Variants in PPP4R3A observed in about 807,000 individuals in gnomAD.
PPP4R3A encodes protein phosphatase 4 regulatory subunit 3A.
In PPP4R3A, 15 loss-of-function variants were observed where a neutral mutation model predicts 91.7. That is an observed-to-expected ratio of 0.16 (90% confidence interval 0.11 to 0.25). The LOEUF (loss-of-function observed/expected upper bound fraction) is 0.25, where lower values mean the gene tolerates loss of function less well. Ranked by LOEUF, PPP4R3A falls within the 10% of genes least tolerant of loss-of-function variation. The pLI is 1.00. For missense variants in PPP4R3A, 623 were observed against 998.4 expected (o/e 0.62, Z 5.07); for synonymous variants, 377 against 348.7 (o/e 1.08, Z -0.91).
At chr14:91,463,553 C>G (rs1412446593) in intron 11 of PPP4R3A, among the ~76,000 whole-genome samples, 1 of 152,176 alleles carries the variant, frequency 6.6e-6, no homozygotes, top group East Asian at 1.9e-4. Context: ...CCCACCTCAG[C>G]CTCCTGAGCA....
At chr14:91,509,086 G>C (rs1274610103) in intron 1 of PPP4R3A, among the ~76,000 whole-genome samples, 1 of 152,204 alleles carries the variant, frequency 6.6e-6, no homozygotes, top group East Asian at 1.9e-4. Flanking sequence ...AAAGGTCCAA[G>C]AACTTTCTTA....
At chr14:91,493,358 G>C (rs191469467) in intron 1 of PPP4R3A, among the ~76,000 whole-genome samples, 1 of 150,676 alleles carries the variant, frequency 6.6e-6, no homozygotes, top group Non-Finnish European at 1.5e-5. Flanking sequence ...AGCTGGATGA[G>C]GTAGGGCATG....
At chr14:91,483,794 AAAG>A (rs1478277295) in intron 3 of PPP4R3A, among the ~76,000 whole-genome samples, 1 of 152,338 alleles carries the variant, frequency 6.6e-6, no homozygotes, top group East Asian at 1.9e-4. Flanking sequence ...GAGTATCAGA[AAAG>A]AATATTAAAG....
rs556780170 is a variant in PPP4R3A, at chr14:91,466,283, G to A, written c.1661-864C>T. 17 of 985,762 alleles carry A rather than the reference G, an allele frequency of 1.7e-5. 1 individual carries two copies. In the East Asian group the frequency reaches 3.4e-4, roughly 20 times the overall value. 61.1% of individuals were successfully genotyped at this position (985,762 alleles called of 1,614,324 possible). A position where few individuals can be genotyped will look rare whatever the true frequency, so the allele number is the denominator to read the frequency against. Reference sequence around the variant, plus strand: ...CACTTCATGCAGTCACATCGTCTTCGGTTGGCAAGATTAAATATTGTGTTT... The same window carrying A: ...CACTTCATGCAGTCACATCGTCTTCAGTTGGCAAGATTAAATATTGTGTTT... On this transcript the variant is annotated intron_variant, in intron 10 of 14. Coordinates refer to ENST00000554943, the MANE Select transcript of PPP4R3A (RefSeq NM_001366432.2).
chr14:91,487,249 C>CAA lies in PPP4R3A; in HGVS notation c.199-1521_199-1520dup, dbSNP rs35970764. Among the ~76,000 whole-genome samples, 512 of 80,168 alleles carry CAA rather than the reference C, an allele frequency of 6.4e-3. 11 individuals carry two copies. Among genetic ancestry groups the CAA allele is most frequent in the East Asian group, 0.026 (76 of 2,884 alleles). 52.6% of individuals were successfully genotyped at this position (80,168 alleles called of 152,430 possible). A position where few individuals can be genotyped will look rare whatever the true frequency, so the allele number is the denominator to read the frequency against. ...TGGGTGACAGAGTGAGAGTCCGTCT[C>CAA]AAAAAAAAAAAAAAAAAAAAAAAAT... On this transcript the variant is annotated intron_variant, in intron 2 of 14. Transcript: ENST00000554943.
intron 1 of PPP4R3A, among the ~76,000 whole-genome samples, chr14:91,507,313 C>A (rs1304073366): frequency 6.9e-6 from 1 of 144,756 alleles, no homozygotes; most frequent in Non-Finnish European, 1.5e-5. Flanking sequence ...AAGAGCAAAA[C>A]CCAATCTCAA....
rs918788375 is a variant in PPP4R3A at position 91,461,797 on chromosome 14, T to C, written c.2165-190A>G. 3.7e-4 allele frequency: 311 copies of C among 843,460 alleles called. 1 individual carries two copies. The highest frequency in any genetic ancestry group is 1.1e-3 in the Middle Eastern group (3 of 2,726). The allele number at this position is 843,460 out of a possible 1,614,324, so 52.2% of individuals were successfully genotyped here. On this transcript the variant is annotated intron_variant, in intron 13 of 14. Transcript: ENST00000554943. Reference sequence around the variant, plus strand: ...CATTGGATCTTACCCCAGAGAAGAATTGAAACCTTCAGAATCATATTTAGT... The same window carrying C: ...CATTGGATCTTACCCCAGAGAAGAACTGAAACCTTCAGAATCATATTTAGT...
In PPP4R3A at chr14:91,461,376, T is replaced by C. The variant is rs761878918; in HGVS notation, c.2391+5A>G. On this transcript the variant is annotated splice_donor_5th_base_variant and intron_variant, in intron 14 of 14. Coordinates refer to ENST00000554943, the MANE Select transcript of PPP4R3A (RefSeq NM_001366432.2). ...AAGGGGGCAAAATGGGAGTCAAGAA[T>C]GTACCTTTGTAGTAATAGCTGCCGT... The C allele has an allele frequency of 1.9e-6, 3 of 1,596,580 alleles. No individual in the cohort carries two copies. Among genetic ancestry groups the C allele is most frequent in the Non-Finnish European group, 1.7e-6 (2 of 1,165,536 alleles).
intron 1 of PPP4R3A, among the ~76,000 whole-genome samples, chr14:91,501,764 G>A (rs554994143): frequency 6.6e-6 from 1 of 151,430 alleles, no homozygotes; most frequent in East Asian, 1.9e-4. Flanking sequence ...AAGTGCAGTG[G>A]CGCGATCTTG....
At chr14:91,471,691 A>G (rs1443996943) in intron 9 of PPP4R3A, among the ~76,000 whole-genome samples, 3 of 152,210 alleles carry the variant, frequency 2.0e-5, no homozygotes, top group Non-Finnish European at 2.9e-5. Context: ...GGACATTCAC[A>G]TTTCATGGAC....
chr14:91,461,683 A>C (rs1888171843), intron 13 of PPP4R3A, 76 bp from the exon 14 acceptor site: 2 of 1,378,232 alleles, frequency 1.5e-6, no homozygotes, highest in Non-Finnish European at 2.0e-6. Flanking sequence ...TAACACTAAA[A>C]CACATTTAAC....
chr14:91,496,593 T>C (rs1890585428), intron 1 of PPP4R3A, among the ~76,000 whole-genome samples: 1 of 152,244 alleles, frequency 6.6e-6, no homozygotes, highest in Non-Finnish European at 1.5e-5. Context: ...TCCAAAGTTC[T>C]GGCTAAAACA....
intron 13 of PPP4R3A, 148 bp downstream of exon 13, chr14:91,461,901 G>T: frequency 7.8e-7 from 1 of 1,283,078 alleles, no homozygotes; most frequent in Non-Finnish European, 1.0e-6. Context: ...ACACAACACT[G>T]CTATTCAGTC....
At chr14:91,484,461 GCTGT>G (rs1353893621) in intron 3 of PPP4R3A, among the ~76,000 whole-genome samples, 25 of 152,254 alleles carry the variant, frequency 1.6e-4, no homozygotes, top group African/African-American at 6.0e-4. Flanking sequence ...TCATTTATGT[GCTGT>G]CTATGACTAC....
chr14:91,499,542 G>A (rs745584173), intron 1 of PPP4R3A, among the ~76,000 whole-genome samples: 6 of 151,974 alleles, frequency 3.9e-5, no homozygotes, highest in Non-Finnish European at 1.5e-5. Flanking sequence ...ACAACTGCAG[G>A]TAGAAACTGT....
chr14:91,479,197 G>A (rs1595064781), intron 4 of PPP4R3A, among the ~76,000 whole-genome samples: 1 of 151,740 alleles, frequency 6.6e-6, no homozygotes, highest in Admixed American at 6.6e-5. Context: ...TGGTCAGGCT[G>A]GTCTCGAACT....
rs545908832 is a variant in PPP4R3A, at chr14:91,475,303, C to A, written c.1266+508G>T. 1.9e-5 allele frequency: 3 copies of A among 156,646 alleles called. No homozygotes were observed. In the East Asian group the frequency reaches 5.7e-4, roughly 30 times the overall value. 9.7% of individuals were successfully genotyped at this position (156,646 alleles called of 1,614,324 possible). A position where few individuals can be genotyped will look rare whatever the true frequency, so the allele number is the denominator to read the frequency against. On this transcript the variant is annotated intron_variant, in intron 7 of 14. Coordinates refer to ENST00000554943, the MANE Select transcript of PPP4R3A (RefSeq NM_001366432.2). ...TCACATTACCAGGATATATTCTCTA[C>A]TACTTTAAAATCTGGTATATCTCAG...
chr14:91,471,820 T>G (rs1353758041), intron 9 of PPP4R3A, among the ~76,000 whole-genome samples: 1 of 152,122 alleles, frequency 6.6e-6, no homozygotes. Context: ...TCCCAGCACT[T>G]TGGGAGGCCA....
At chr14:91,476,590 A>G in intron 5 of PPP4R3A, 66 bp from the exon 6 acceptor site, 1 of 1,202,186 alleles carries the variant, frequency 8.3e-7, no homozygotes, top group East Asian at 2.6e-5. Context: ...ATTGAGACGG[A>G]GTCTTGCTCT....
Sources: gnomAD v4.1 joint callset for allele counts (sites outside exome capture counted in the v4.1 genomes callset) on GRCh38, gnomAD v4.1.1 for gene constraint, MANE v1.5 for transcripts, NCBI Gene and HGNC (gene_info 2026-07-23, HGNC 2026-07-21) for gene names.